SPMIP6: variants seen among roughly 807,000 people sequenced by gnomAD.
SPMIP6 encodes sperm microtubule inner protein 6.
chr9:34,384,849 G>A, the SPMIP6 span, among the ~76,000 whole-genome samples: 1 of 152,248 alleles, frequency 6.6e-6, no homozygotes, highest in African/African-American at 2.4e-5. Context: ...CCATGTTTCC[G>A]AGAACCTAGG....
the SPMIP6 span, chr9:34,382,718 C>T: frequency 7.0e-7 from 1 of 1,422,056 alleles, no homozygotes; most frequent in Admixed American, 1.7e-5. Context: ...ATGCGTGTCC[C>T]AGTCCCCAGA....
the SPMIP6 span, among the ~76,000 whole-genome samples, chr9:34,395,467 C>T: frequency 6.6e-6 from 1 of 152,102 alleles, no homozygotes; most frequent in Non-Finnish European, 1.5e-5. Context: ...AATTCTCTGT[C>T]TTCTTTTATG....
chr9:34,395,425 A>G, the SPMIP6 span, among the ~76,000 whole-genome samples: 2 of 152,130 alleles, frequency 1.3e-5, no homozygotes, highest in Non-Finnish European at 2.9e-5. Context: ...TTATTGGTTT[A>G]TCTTTGATTT....
chr9:34,381,644 G>C, the SPMIP6 span: 1 of 1,430,368 alleles, frequency 7.0e-7, no homozygotes, highest in Non-Finnish European at 9.2e-7. The surrounding 1 kb of genome is among the most constrained non-coding windows in gnomAD (Gnocchi z 4.4). Flanking sequence ...GGGTGGGGTA[G>C]GAAGGGCTGA....
the SPMIP6 span, among the ~76,000 whole-genome samples, chr9:34,388,192 G>A: frequency 1.3e-4 from 19 of 150,298 alleles, no homozygotes; most frequent in Admixed American, 1.3e-3. Context: ...CCAGGCTGGA[G>A]TGCAATGGCA....
At chr9:34,382,693 G>A in the SPMIP6 span, 3 of 1,022,190 alleles carry the variant, frequency 2.9e-6, no homozygotes, top group Non-Finnish European at 4.7e-6. Context: ...ACTGTAGTTT[G>A]GGAGGTGGTG....
the SPMIP6 span, among the ~76,000 whole-genome samples, chr9:34,396,492 T>C: frequency 6.6e-6 from 1 of 152,142 alleles, no homozygotes; most frequent in African/African-American, 2.4e-5. Context: ...TAACTCACAA[T>C]TGAACCATGA....
chr9:34,396,145 A>C, the SPMIP6 span, among the ~76,000 whole-genome samples: 9 of 152,142 alleles, frequency 5.9e-5, no homozygotes, highest in African/African-American at 9.7e-5. Context: ...TTTTGTAATA[A>C]ATTTTATTTA....
At chr9:34,389,927 A>ATTT in the SPMIP6 span, 5 of 121,516 alleles carry the variant, frequency 4.1e-5, no homozygotes, top group Admixed American at 8.7e-5. Context: ...ATGTGTGTAG[A>ATTT]TTTTTTTTTT....
the SPMIP6 span, among the ~76,000 whole-genome samples, chr9:34,389,338 T>G: frequency 5.3e-5 from 8 of 152,246 alleles, no homozygotes; most frequent in Non-Finnish European, 1.2e-4. Context: ...CAATGTTCTG[T>G]ATCTCCTTGT....
chr9:34,380,179 C>G, the SPMIP6 span, among the ~76,000 whole-genome samples: 1 of 152,078 alleles, frequency 6.6e-6, no homozygotes, highest in Non-Finnish European at 1.5e-5. Flanking sequence ...CGGGGGATCA[C>G]TATGGACCCC....
the SPMIP6 span, chr9:34,379,577 C>T: frequency 1.4e-6 from 2 of 1,389,772 alleles, no homozygotes; most frequent in Non-Finnish European, 2.0e-6. This position sits in a 1 kb window ranked among gnomAD's most constrained non-coding sequence, Gnocchi z 4.2. Flanking sequence ...ACCAGACATC[C>T]TCCCCCAGCC....
chr9:34,381,014 T>TA, the SPMIP6 span: 3 of 1,611,464 alleles, frequency 1.9e-6, no homozygotes, highest in South Asian at 3.3e-5. The surrounding 1 kb of genome is among the most constrained non-coding windows in gnomAD (Gnocchi z 4.4). Context: ...AGCACTTTCG[T>TA]AACCATGGAA....
the SPMIP6 span, among the ~76,000 whole-genome samples, chr9:34,380,072 C>T: frequency 6.6e-6 from 1 of 152,334 alleles, no homozygotes; most frequent in South Asian, 2.1e-4. Flanking sequence ...TTCTGAGCTT[C>T]CTAGAGGCTC....
chr9:34,387,344 A>G, the SPMIP6 span, among the ~76,000 whole-genome samples: 1 of 152,110 alleles, frequency 6.6e-6, no homozygotes. Flanking sequence ...CAAGTGCTCC[A>G]ACCATCCTCA....
At chr9:34,380,976 C>G in the SPMIP6 span, 7 of 1,608,502 alleles carry the variant, frequency 4.4e-6, no homozygotes, top group Middle Eastern at 3.3e-4. Context: ...TAGTCCATCC[C>G]GCGCAGACAG....
At chr9:34,396,882 T>C in the SPMIP6 span, among the ~76,000 whole-genome samples, 1 of 152,340 alleles carries the variant, frequency 6.6e-6, no homozygotes, top group South Asian at 2.1e-4. Context: ...CAGATGAAGA[T>C]ACTCAGCAAA....
At chr9:34,392,737 G>C in the SPMIP6 span, among the ~76,000 whole-genome samples, 1 of 152,136 alleles carries the variant, frequency 6.6e-6, no homozygotes, top group Non-Finnish European at 1.5e-5. This position sits in a 1 kb window ranked among gnomAD's most constrained non-coding sequence, Gnocchi z 4.6. Context: ...GAAGAGCAAG[G>C]ACAAACTGGA....
the SPMIP6 span, chr9:34,381,553 C>T: frequency 1.3e-6 from 2 of 1,542,956 alleles, no homozygotes; most frequent in Non-Finnish European, 8.7e-7. The surrounding 1 kb of genome is among the most constrained non-coding windows in gnomAD (Gnocchi z 4.4). Context: ...CTTCTCCCGC[C>T]CTTCAGCAGC....
Sources: gnomAD v4.1 joint callset for allele counts (sites outside exome capture counted in the v4.1 genomes callset) on GRCh38, gnomAD v4.1.1 for gene constraint, Gnocchi (gnomAD v3.1) non-coding constraint, MANE v1.5 for transcripts, NCBI Gene and HGNC (gene_info 2026-07-23, HGNC 2026-07-21) for gene names.